Variants in ADGRV1 observed in about 807,000 individuals in gnomAD.
The protein encoded by ADGRV1 is G-protein coupled receptor 98.
ADGRV1 carries 359 observed loss-of-function variants against 596.2 expected under a neutral mutation model. The observed-to-expected ratio is 0.60, with a 90% CI of 0.55 to 0.66. The LOEUF is 0.66. ADGRV1 is among the 30% of genes least tolerant of loss of function. ADGRV1 has a pLI of 0.00. For missense variants in ADGRV1, 7,274 were observed against 7,575.6 expected (o/e 0.96, Z 1.48); for synonymous variants, 2,681 against 2,679.2 (o/e 1.00, Z -0.02).
At chr5:91,080,078 A>G (rs1266795700) in intron 86 of ADGRV1, among the ~76,000 whole-genome samples, 1 of 152,162 alleles carries the variant, frequency 6.6e-6, no homozygotes, top group African/African-American at 2.4e-5. Flanking sequence ...ATATCTGTAC[A>G]TATTTATGGG....
chr5:90,746,339 C>T (rs1283983463), intron 52 of ADGRV1, among the ~76,000 whole-genome samples: 4 of 152,084 alleles, frequency 2.6e-5, no homozygotes, highest in Admixed American at 2.6e-4. Context: ...TCCTAAGTTA[C>T]TTCCGTGCCC....
intron 59 of ADGRV1, among the ~76,000 whole-genome samples, chr5:90,763,729 C>T (rs1408427532): frequency 6.6e-6 from 1 of 152,156 alleles, no homozygotes; most frequent in Non-Finnish European, 1.5e-5. Flanking sequence ...TCTTTATGTC[C>T]ATGTGTATCC....
At chr5:90,719,760 G>C (rs1029113068) in intron 43 of ADGRV1, among the ~76,000 whole-genome samples, 1 of 152,142 alleles carries the variant, frequency 6.6e-6, no homozygotes, top group South Asian at 2.1e-4. Context: ...AGGACAAAAA[G>C]TTCACAAAAA....
At chr5:90,929,400 T>A (rs1246889818) in intron 83 of ADGRV1, 1 of 153,316 alleles carries the variant, frequency 6.5e-6, no homozygotes, top group African/African-American at 2.4e-5. Flanking sequence ...ATTTTCCAGG[T>A]GCGTCCGTCA....
chr5:91,141,695 C>A (rs184367470), intron 87 of ADGRV1, among the ~76,000 whole-genome samples: 3 of 152,256 alleles, frequency 2.0e-5, no homozygotes, highest in African/African-American at 7.2e-5. Context: ...TCAATTCTGT[C>A]ACTGGCACAA....
At chr5:90,769,763 A>G (rs1561693610) in intron 59 of ADGRV1, among the ~76,000 whole-genome samples, 1 of 152,176 alleles carries the variant, frequency 6.6e-6, no homozygotes, top group Non-Finnish European at 1.5e-5. Flanking sequence ...AAATATATAC[A>G]TTTAAAAAAT....
intron 78 of ADGRV1, among the ~76,000 whole-genome samples, chr5:90,845,183 G>A (rs1765757883): frequency 7.2e-6 from 1 of 139,704 alleles, no homozygotes; most frequent in Non-Finnish European, 1.7e-5. Context: ...TAGGCTTCGT[G>A]GTCACCAACT....
intron 87 of ADGRV1, among the ~76,000 whole-genome samples, chr5:91,122,602 G>A (rs2950855): frequency 0.13 from 19,138 of 152,182 alleles, 1,348 homozygotes; most frequent in African/African-American, 0.2. Context: ...ACAGTGTGAA[G>A]CCATAAGTTT....
chr5:91,052,467 T>C (rs1786429879), intron 85 of ADGRV1, among the ~76,000 whole-genome samples: 3 of 151,776 alleles, frequency 2.0e-5, no homozygotes, highest in Admixed American at 2.0e-4. Flanking sequence ...AATTTTGCTC[T>C]GTCGCCCAGG....
intron 85 of ADGRV1, among the ~76,000 whole-genome samples, chr5:91,060,963 T>C (rs999045133): frequency 3.9e-5 from 6 of 152,186 alleles, no homozygotes; most frequent in Non-Finnish European, 8.8e-5. Flanking sequence ...TTTTTGCCAG[T>C]CAGACATCTA....
At chr5:90,860,724 A>AT (rs540338322) in intron 82 of ADGRV1, among the ~76,000 whole-genome samples, 1 of 133,522 alleles carries the variant, frequency 7.5e-6, no homozygotes, top group Non-Finnish European at 1.5e-5. Context: ...TGGTATAATA[A>AT]AAAAAAAAAA....
At chr5:90,747,399 A>G (rs1036102750) in intron 52 of ADGRV1, among the ~76,000 whole-genome samples, 3 of 152,112 alleles carry the variant, frequency 2.0e-5, no homozygotes, top group South Asian at 4.1e-4. Context: ...AGGACCTAGC[A>G]TTTAGTCATA....
intron 86 of ADGRV1, among the ~76,000 whole-genome samples, chr5:91,084,628 G>A (rs899098322): frequency 3.9e-5 from 6 of 152,178 alleles, no homozygotes; most frequent in Admixed American, 1.3e-4. Flanking sequence ...TACACTGCTG[G>A]TGGGAGTGTA....
At chr5:90,707,318 G>A (rs1168404033) in intron 38 of ADGRV1, among the ~76,000 whole-genome samples, 1 of 152,192 alleles carries the variant, frequency 6.6e-6, no homozygotes, top group Non-Finnish European at 1.5e-5. Flanking sequence ...GGGAGTAGGA[G>A]ATAGTGTGTA....
At chr5:91,137,561 T>C (rs755021323) in intron 87 of ADGRV1, among the ~76,000 whole-genome samples, 12 of 152,236 alleles carry the variant, frequency 7.9e-5, no homozygotes, top group Non-Finnish European at 1.6e-4. Context: ...TAGTAGACAC[T>C]CAAAAACTTT....
chr5:90,570,377 A>G (rs891040522), intron 1 of ADGRV1, among the ~76,000 whole-genome samples: 2 of 151,842 alleles, frequency 1.3e-5, no homozygotes, highest in African/African-American at 4.8e-5. Flanking sequence ...TTGCTTTGGC[A>G]GTTTCGTATA....
At chr5:91,142,124 G>A (rs2126850890) in intron 87 of ADGRV1, among the ~76,000 whole-genome samples, 1 of 152,246 alleles carries the variant, frequency 6.6e-6, no homozygotes, top group East Asian at 1.9e-4. Context: ...AGTGGTGATA[G>A]AATTAGAGGA....
chr5:91,067,528 A>G (rs549028231), intron 85 of ADGRV1, among the ~76,000 whole-genome samples: 1 of 152,156 alleles, frequency 6.6e-6, no homozygotes, highest in South Asian at 2.1e-4. Flanking sequence ...GTTACTTCCA[A>G]CCTCCCAAAG....
intron 83 of ADGRV1, among the ~76,000 whole-genome samples, chr5:90,914,615 A>G (rs34088804): frequency 0.26 from 39,351 of 152,028 alleles, 5,622 homozygotes; most frequent in Admixed American, 0.41. Flanking sequence ...TGATTATTTT[A>G]TCTAATCTTT....
Sources: gnomAD v4.1 joint callset for allele counts (sites outside exome capture counted in the v4.1 genomes callset) on GRCh38, gnomAD v4.1.1 for gene constraint, MANE v1.5 for transcripts, NCBI Gene and HGNC (gene_info 2026-07-23, HGNC 2026-07-21) for gene names.